The following PCDHGA5 variants were observed in gnomAD, a reference collection of about 807,000 sequenced individuals.
The protein encoded by PCDHGA5 is protocadherin gamma subfamily A, 5.
PCDHGA5 carries 36 observed loss-of-function variants against 56.7 expected under a neutral mutation model. The observed-to-expected ratio is 0.64, with a 90% confidence interval of 0.49 to 0.84. PCDHGA5 has a LOEUF of 0.84. PCDHGA5 is among the 40% of genes least tolerant of loss of function. PCDHGA5 has a pLI of 0.00. For missense variants in PCDHGA5, 1,305 were observed against 1,201.5 expected (o/e 1.09, Z -1.27); for synonymous variants, 563 against 520.2 (o/e 1.08, Z -1.12).
chr5:141,385,108 A>G, intron 1 of PCDHGA5: 3 of 1,614,126 alleles, frequency 1.9e-6, no homozygotes. Context: ...GAACGTGCCC[A>G]CCTCGCACTT....
In PCDHGA5 at chr5:141,400,400, C is replaced by T. The variant is rs375490385; in HGVS notation, c.2421+33649C>T. On this transcript the variant is annotated intron_variant, in intron 1 of 3. Coordinates refer to ENST00000518069, the MANE Select transcript of PCDHGA5 (RefSeq NM_018918.3). ...CTATGTGTTGCACATACAGGAAAGA[C>T]GGAGTTTAATTTCCTAAAATGTAGT... 65 of 1,614,000 alleles carry T rather than the reference C, an allele frequency of 4.0e-5. No individual in the cohort carries two copies. Among genetic ancestry groups the T allele is most frequent in the South Asian group, 3.8e-4 (35 of 91,078 alleles).
Position 141,431,645 on chromosome 5 carries a change from T to C in PCDHGA5, c.2422-63162T>C. ...GGCGGCCCAAGTTTTCAAACTAGAT[T>C]GTAATTCAGGGACAATATCAACAAT... is the stretch of plus-strand genomic sequence containing the variant. On this transcript the variant is annotated intron_variant, in intron 1 of 3. Coordinates refer to ENST00000518069, the MANE Select transcript of PCDHGA5 (RefSeq NM_018918.3). This position sits in a 1 kb window ranked among gnomAD's most constrained non-coding sequence, Gnocchi z 4.8. 6.2e-7 allele frequency: 1 copy of C among 1,614,236 alleles called. No individual in the cohort carries two copies.
intron 3 of PCDHGA5, among the ~76,000 whole-genome samples, chr5:141,506,116 A>T: frequency 6.6e-6 from 1 of 152,136 alleles, no homozygotes; most frequent in East Asian, 1.9e-4. Flanking sequence ...AAGAGTCACT[A>T]GGGCCCAGAG....
chr5:141,450,900 C>T (rs907024071), intron 1 of PCDHGA5, among the ~76,000 whole-genome samples: 9 of 151,048 alleles, frequency 6.0e-5, no homozygotes, highest in Non-Finnish European at 1.2e-4. Flanking sequence ...TATCGGCTCA[C>T]TGCAACCGCT....
At position 141,432,716 on chromosome 5, in the gene PCDHGA5, C is replaced by A; in HGVS notation, c.2422-62091C>A. 6.2e-7 allele frequency: 1 copy of A among 1,614,030 alleles called. No individual in the cohort carries two copies. The highest frequency in any genetic ancestry group is 1.1e-5 in the South Asian group (1 of 91,084). ...GGCCGTCCAGGACCACGGCCAGCCC[C>A]CTCTCTCCGCCACTGTCACGCTCAC... On this transcript the variant is annotated intron_variant, in intron 1 of 3. Transcript: ENST00000518069. This position sits in a 1 kb window ranked among gnomAD's most constrained non-coding sequence, Gnocchi z 6.0.
intron 1 of PCDHGA5, chr5:141,393,874 G>T (rs1226947734): frequency 1.2e-6 from 2 of 1,613,826 alleles, no homozygotes; most frequent in Non-Finnish European, 1.7e-6. Flanking sequence ...TCTTTGTTTA[G>T]CCCAGTGTTA....
intron 1 of PCDHGA5, chr5:141,370,117 T>A (rs1370014125): frequency 5.2e-6 from 2 of 381,566 alleles, no homozygotes; most frequent in Admixed American, 4.1e-5. Flanking sequence ...CCTAACTAGC[T>A]CCTTATTTGG....
chr5:141,476,864 C>T lies in PCDHGA5; in HGVS notation c.2422-17943C>T, dbSNP rs1318457627. ...GCCTGTCTTCAACCAGTCCTTGTAC[C>T]GGGCGCGCGTCCTGGAGGATGCACC... is the stretch of plus-strand genomic sequence containing the variant. On this transcript the variant is annotated intron_variant, in intron 1 of 3. Coordinates refer to ENST00000518069, the MANE Select transcript of PCDHGA5 (RefSeq NM_018918.3). This position sits in a 1 kb window ranked among gnomAD's most constrained non-coding sequence, Gnocchi z 7.6. 4.3e-6 allele frequency: 7 copies of T among 1,613,838 alleles called. No homozygotes were observed. Among genetic ancestry groups the T allele is most frequent in the Non-Finnish European group, 5.9e-6 (7 of 1,180,044 alleles).
At chr5:141,480,935 C>G (rs1297213622) in intron 1 of PCDHGA5, among the ~76,000 whole-genome samples, 1 of 152,092 alleles carries the variant, frequency 6.6e-6, no homozygotes, top group Non-Finnish European at 1.5e-5. Flanking sequence ...GTCCCAGCTA[C>G]TCTAGAGGCT....
rs200109598 is a variant in PCDHGA5 at position 141,388,741 on chromosome 5, A to C, written c.2421+21990A>C. ...ACTTTCTCTTTCAGTGAAGCTAGCC[A>C]GATCACCCAATTTGACCTGAACTCT... is the stretch of plus-strand genomic sequence containing the variant. On this transcript the variant is annotated intron_variant, in intron 1 of 3. Transcript: ENST00000518069. The C allele has an allele frequency of 1.3e-4, 203 of 1,613,906 alleles. No individual in the cohort carries two copies. The highest frequency in any genetic ancestry group is 1.7e-4 in the Non-Finnish European group (198 of 1,179,898).
At chr5:141,414,151 G>T in intron 1 of PCDHGA5, 2 of 1,600,336 alleles carry the variant, frequency 1.2e-6, no homozygotes, top group East Asian at 2.3e-5. Flanking sequence ...AATACAAGCA[G>T]AAGATGGAGG....
chr5:141,465,142 T>TCCCTAA (rs2099097979), intron 1 of PCDHGA5, among the ~76,000 whole-genome samples: 3 of 151,990 alleles, frequency 2.0e-5, no homozygotes, highest in Non-Finnish European at 4.4e-5. Flanking sequence ...GTTTAGGGGA[T>TCCCTAA]ATATGAAGGG....
intron 1 of PCDHGA5, among the ~76,000 whole-genome samples, chr5:141,439,449 G>A (rs761506247): frequency 4.6e-5 from 7 of 152,184 alleles, no homozygotes; most frequent in Admixed American, 3.9e-4. Context: ...TATTGCGGGA[G>A]CAAGACTGCA....
chr5:141,375,096 T>C lies in PCDHGA5; in HGVS notation c.2421+8345T>C, dbSNP rs764268392. 1.9e-5 allele frequency: 30 copies of C among 1,613,836 alleles called. No homozygotes were observed. The highest frequency in any genetic ancestry group is 2.5e-5 in the Non-Finnish European group (29 of 1,179,900). ...AGAGCGAAAGTCTTAATAACTATCT[T>C]GGATGTCAATGATAATGTACCAGAA... is the stretch of plus-strand genomic sequence containing the variant. On this transcript the variant is annotated intron_variant, in intron 1 of 3. Coordinates refer to ENST00000518069, the MANE Select transcript of PCDHGA5 (RefSeq NM_018918.3).
intron 1 of PCDHGA5, among the ~76,000 whole-genome samples, chr5:141,484,454 G>A (rs932663778): frequency 6.6e-6 from 1 of 152,212 alleles, no homozygotes; most frequent in African/African-American, 2.4e-5. Context: ...AATTGGCTAC[G>A]TTAATGTGTA....
chr5:141,467,781 C>G (rs2099151581), intron 1 of PCDHGA5, among the ~76,000 whole-genome samples: 1 of 152,228 alleles, frequency 6.6e-6, no homozygotes, highest in East Asian at 1.9e-4. Context: ...ACCTCAGCCT[C>G]TCAAGTAGCT....
intron 3 of PCDHGA5, among the ~76,000 whole-genome samples, chr5:141,509,064 C>T (rs890846779): frequency 6.6e-6 from 1 of 152,184 alleles, no homozygotes; most frequent in African/African-American, 2.4e-5. Flanking sequence ...AAGCTCTCAG[C>T]TCCGGGGATT....
In PCDHGA5 at chr5:141,408,106, G is replaced by A. The variant is rs1474157141; in HGVS notation, c.2421+41355G>A. The A allele has an allele frequency of 8.3e-6, 12 of 1,444,288 alleles. No individual in the cohort carries two copies. In the East Asian group the frequency reaches 2.7e-4, roughly 33 times the overall value. 89.5% of individuals were successfully genotyped at this position (1,444,288 alleles called of 1,614,324 possible). On this transcript the variant is annotated intron_variant, in intron 1 of 3. Transcript: ENST00000518069. ...AGCGGATTGCCAGCTCCGAGACCCG[G>A]GACTCCTCCTGTCCTGGGCCGAATG...
At chr5:141,414,098 C>A in intron 1 of PCDHGA5, 1 of 1,594,212 alleles carries the variant, frequency 6.3e-7, no homozygotes, top group Non-Finnish European at 8.5e-7. Flanking sequence ...ATAAAAATAT[C>A]AGAAAATCTA....
Sources: allele counts gnomAD v4.1 joint callset (sites outside exome capture counted in the v4.1 genomes callset), GRCh38; gene constraint gnomAD v4.1.1; non-coding constraint Gnocchi (gnomAD v3.1); transcripts MANE v1.5; gene names NCBI Gene and HGNC (gene_info 2026-07-23, HGNC 2026-07-21).